LTBP4: variants seen among roughly 807,000 people sequenced by gnomAD.
LTBP4 encodes the protein latent-transforming growth factor beta-binding protein 4.
In LTBP4, 93 loss-of-function variants were observed where a neutral mutation model predicts 180.2. The ratio of observed to expected loss-of-function variants is 0.52; its 90% CI spans 0.44 to 0.61. The LOEUF (loss-of-function observed/expected upper bound fraction) is 0.61. LTBP4 is among the 20% of genes least tolerant of loss of function. The pLI, the probability that LTBP4 is intolerant of heterozygous loss-of-function variation, is 0.00. For synonymous variants in LTBP4, 947 were observed against 934.5 expected, an observed-to-expected ratio of 1.01 and a Z score of -0.24; for missense variants, 2,116 against 2,256.5, an observed-to-expected ratio of 0.94 and a Z score of 1.26.
At position 40,617,116 on chromosome 19, in the gene LTBP4, G is replaced by T. The variant is rs2081554999; in HGVS notation, c.2961G>T (p.Arg987=). Residue 987 remains arginine (R), a synonymous_variant, in exon 21 of 30, where the codon CGG becomes CGT. Coordinates refer to ENST00000396819, the MANE Select transcript of LTBP4 (RefSeq NM_001042545.2). ...GGGCQDVDEC[R]NRSFCGAHAV... ...TGGTTGCAGATGTGGACGAATGCCG[G>T]AACCGGTCCTTCTGCGGTGCCCACG... 6.2e-7 allele frequency: 1 copy of T among 1,613,918 alleles called. No individual in the cohort carries two copies. Among genetic ancestry groups the T allele is most frequent in the Non-Finnish European group, 8.5e-7 (1 of 1,179,910 alleles).
intron 1 of LTBP4, among the ~76,000 whole-genome samples, chr19:40,602,615 C>T (rs1449284730): frequency 2.6e-5 from 4 of 152,198 alleles, no homozygotes; most frequent in South Asian, 2.1e-4. Flanking sequence ...CCCGGCCCAG[C>T]CCCAACGTGC....
At position 40,614,373 on chromosome 19, in the gene LTBP4, C is replaced by A; in HGVS notation, c.2739C>A (p.Asn913Lys). 6.2e-7 allele frequency: 1 copy of A among 1,600,540 alleles called. No homozygotes were observed. The highest frequency in any genetic ancestry group is 8.5e-7 in the Non-Finnish European group (1 of 1,179,810). ...PALCGSQRCE[N>K]SPGSYRCVRD... ...TGTGCGGGTCGCAGCGCTGTGAGAA[C>A]TCTCCCGGCTCCTACCGCTGTGTCC... Residue 913 changes from asparagine (N) to lysine (K), a missense_variant, in exon 19 of 30, where the codon AAC (asparagine) becomes AAA (lysine). Asn to Lys is a moderately conservative substitution (Grantham distance 94). This residue lies in a region of LTBP4 where 877 missense variants were observed against 873.6 expected (regional missense o/e 1.00). Transcript: ENST00000396819.
chr19:40,599,279 G>C, upstream of LTBP4: 1 of 1,613,902 alleles, frequency 6.2e-7, no homozygotes, highest in South Asian at 1.1e-5. Flanking sequence ...GATGGAGTAT[G>C]AGTAGGGGGC....
chr19:40,611,175 C>G lies in LTBP4; in HGVS notation c.1834C>G (p.Pro612Ala), dbSNP rs34299942. ...AGATGTGGATGAATGCACCCAGAGC[C>G]CAGGCCTGTGTGGCCGAGGGGCCTG... Reference protein sequence around the residue: ...CQDVDECTQSPGLCGRGACKN... With the variant: ...CQDVDECTQSAGLCGRGACKN... The change falls in exon 13 of 30, where the codon CCA becomes GCA. Residue 612 changes from proline to alanine, a missense_variant. Physicochemically the swap from Pro to Ala is conservative, Grantham distance 27. Transcript: ENST00000396819. This position sits in a 1 kb window ranked among gnomAD's most constrained non-coding sequence, Gnocchi z 4.4. 6,843 of 1,613,422 alleles carry G rather than the reference C, an allele frequency of 4.2e-3. 228 individuals are homozygous for G. In the African/African-American group the frequency reaches 0.077, roughly 18 times the overall value.
chr19:40,598,475 A>G (rs2081403218), upstream of LTBP4: 1 of 151,198 alleles, frequency 6.6e-6, no homozygotes, highest in African/African-American at 2.4e-5. Flanking sequence ...CTTCATTGCG[A>G]CGCACTTGAA....
chr19:40,626,390 A>T (rs558926081), intron 27 of LTBP4, among the ~76,000 whole-genome samples: 1 of 151,690 alleles, frequency 6.6e-6, no homozygotes. Context: ...CTGGCCCCAG[A>T]CCCCCTGGTC....
At chr19:40,593,292 G>A in intron 1 of LTBP4, 1 of 1,266,508 alleles carries the variant, frequency 7.9e-7, no homozygotes, top group South Asian at 1.3e-5. Flanking sequence ...GCCCGGGCTA[G>A]GGTGCAGTGG....
In LTBP4 at chr19:40,622,192, G is replaced by A. The variant is rs945137540; in HGVS notation, c.3218-209G>A. Among the ~76,000 whole-genome samples the A allele has an allele frequency of 1.3e-5, 2 of 152,194 alleles. No individual in the cohort carries two copies. Among genetic ancestry groups the A allele is most frequent in the East Asian group, 3.8e-4 (2 of 5,198 alleles). On this transcript the variant is annotated intron_variant, in intron 22 of 29. Transcript: ENST00000396819. The surrounding 1 kb of genome is among the most constrained non-coding windows in gnomAD (Gnocchi z 5.1). ...GCAGTGACGGGAAAGTGTGAGGTGG[G>A]GAGGCAAGAGATGCAGAAATGACAG... is the stretch of plus-strand genomic sequence containing the variant.
chr19:40,597,793 C>T (rs2081398879), upstream of LTBP4, among the ~76,000 whole-genome samples: 1 of 151,800 alleles, frequency 6.6e-6, no homozygotes. Context: ...TATGAGGCCG[C>T]TGAGTTGTCC....
intron 26 of LTBP4, among the ~76,000 whole-genome samples, chr19:40,625,294 A>ATT (rs1568414509): frequency 1.6e-3 from 13 of 8,356 alleles, no homozygotes; most frequent in Non-Finnish European, 1.9e-3. Context: ...ATATATATAT[A>ATT]TATATATATA....
Position 40,622,964 on chromosome 19 carries a change from T to C in LTBP4, c.3499T>C (p.Leu1167=). The C allele has an allele frequency of 1.2e-6, 2 of 1,613,298 alleles. No individual in the cohort carries two copies. The highest frequency in any genetic ancestry group is 1.7e-6 in the Non-Finnish European group (2 of 1,179,656). The part of the protein sequence containing the change: ...PGTETAEYQS[L]CPHGRGYLAP... ...TCTGTGTGTAGCTGAGTACCAGTCA[T>C]TGTGCCCTCACGGCCGGGGCTACCT... The change falls in exon 24 of 30, where the codon TTG becomes CTG. Residue 1167 remains leucine (L), a synonymous_variant. Transcript: ENST00000396819. The surrounding 1 kb of genome is among the most constrained non-coding windows in gnomAD (Gnocchi z 5.1).
At chr19:40,625,309 TATATATA>T (rs2081624695) in intron 26 of LTBP4, among the ~76,000 whole-genome samples, 40 of 29,016 alleles carry the variant, frequency 1.4e-3, no homozygotes, top group Admixed American at 2.7e-3. Context: ...TATATATATA[TATATATA>T]TTTTTTTTTT....
rs745575576 is a variant in LTBP4 at position 40,606,458 on chromosome 19, C to T, written c.923C>T (p.Thr308Met). Residue 308 changes from threonine (T) to methionine (M), a missense_variant, in exon 6 of 30, where the codon ACG (threonine) becomes ATG (methionine). Thr to Met is a moderately conservative substitution (Grantham distance 81, BLOSUM62 -1). Transcript: ENST00000396819. ...TGCCAGCACGGCGAGTGTGCAAACA[C>T]GCGCGGCGGGTACACGTGTGTGTGC... Reference protein sequence around the residue: ...GRCQHGECANTRGGYTCVCPD... With the variant: ...GRCQHGECANMRGGYTCVCPD... 1.4e-5 allele frequency: 22 copies of T among 1,586,700 alleles called. No homozygotes were observed. In the South Asian group the frequency reaches 1.5e-4, roughly 11 times the overall value.
chr19:40,613,335 T>G lies in LTBP4; in HGVS notation c.2432-69T>G. The G allele has an allele frequency of 3.8e-6, 6 of 1,562,978 alleles. No homozygotes were observed. The highest frequency in any genetic ancestry group is 5.2e-6 in the Non-Finnish European group (6 of 1,155,042). Reference sequence around the variant, plus strand: ...CTGGCATTGGTGGGGGCGGGGTTACTGCGATGTGGGCGGAGCTTGTCTGGG... The same window carrying G: ...CTGGCATTGGTGGGGGCGGGGTTACGGCGATGTGGGCGGAGCTTGTCTGGG... On this transcript the variant is annotated intron_variant, in intron 16 of 29. Transcript: ENST00000396819. This position sits in a 1 kb window ranked among gnomAD's most constrained non-coding sequence, Gnocchi z 5.0.
upstream of LTBP4, among the ~76,000 whole-genome samples, chr19:40,597,669 G>A (rs867000945): frequency 2.0e-5 from 3 of 151,970 alleles, no homozygotes; most frequent in African/African-American, 7.3e-5. Context: ...GGGGGTGGGG[G>A]GCTGAGCTCT....
Position 40,613,139 on chromosome 19 carries a change from C to T in LTBP4, c.2374C>T (p.Arg792Cys). Residue 792 changes from arginine (R) to cysteine (C), a missense_variant, in exon 16 of 30, where the codon CGC (arginine) becomes TGC (cysteine). Arg to Cys is a radical substitution (Grantham distance 180). Transcript: ENST00000396819. The surrounding 1 kb of genome is among the most constrained non-coding windows in gnomAD (Gnocchi z 5.0). Reference sequence around the variant, plus strand: ...CTGCACTAACACCGAAGGCTCCTTCCGCTGCAGCTGCGCGCCAGGCTACCG... The same window carrying T: ...CTGCACTAACACCGAAGGCTCCTTCTGCTGCAGCTGCGCGCCAGGCTACCG... Reference protein sequence around the residue: ...GHCTNTEGSFRCSCAPGYRAP... With the variant: ...GHCTNTEGSFCCSCAPGYRAP... 6.2e-7 allele frequency: 1 copy of T among 1,600,008 alleles called. No individual in the cohort carries two copies. The highest frequency in any genetic ancestry group is 8.5e-7 in the Non-Finnish European group (1 of 1,173,618).
chr19:40,610,739 A>G, intron 12 of LTBP4, 82 bp downstream of exon 12: 1 of 1,489,790 alleles, frequency 6.7e-7, no homozygotes, highest in Non-Finnish European at 8.9e-7. Context: ...AGACTGAACA[A>G]TAGGGCAAAG....
At chr19:40,625,271 TATATATATATATATA>T (rs2081617883) in intron 26 of LTBP4, among the ~76,000 whole-genome samples, 2 of 5,852 alleles carry the variant, frequency 3.4e-4, no homozygotes, top group African/African-American at 8.4e-4. Flanking sequence ...TATATATATA[TATATATATATATATA>T]TATATATATA....
In LTBP4 at chr19:40,619,326, CCT is replaced by C. The variant is rs1391593992; in HGVS notation, c.3071-20_3071-19del. The C allele has an allele frequency of 1.7e-5, 28 of 1,610,824 alleles. No individual in the cohort carries two copies. The highest frequency in any genetic ancestry group is 2.4e-5 in the Non-Finnish European group (28 of 1,177,684). The stretch of plus-strand genomic sequence containing the variant: ...GCTTATAACCACTGAGTCCCTCTCC[CCT>C]GTTGTCTCCTGCTTACAGATGTGAA... On this transcript the variant is annotated intron_variant, in intron 21 of 29. Transcript: ENST00000396819.
Sources: gnomAD v4.1 joint callset for allele counts (sites outside exome capture counted in the v4.1 genomes callset) on GRCh38, gnomAD v4.1.1 for gene constraint, gnomAD v4.1.1 regional missense constraint, Gnocchi (gnomAD v3.1) non-coding constraint, MANE v1.5 for transcripts, NCBI Gene and HGNC (gene_info 2026-07-23, HGNC 2026-07-21) for gene names.